Variants in P2RY12 observed in about 807,000 individuals in gnomAD.
The protein encoded by P2RY12 is purinergic receptor P2Y12.
P2RY12 carries 3 observed loss-of-function variants against 4.5 expected under a neutral mutation model. The ratio of observed to expected loss-of-function variants is 0.67; its 90% CI spans 0.31 to 1.74. P2RY12 has a LOEUF of 1.74. Among genes scored for constraint, P2RY12 ranks in the 40% most tolerant of loss-of-function variants. The probability of loss-of-function intolerance (pLI) is 0.09; values close to 1 mark genes in which losing one functional copy is unlikely to be tolerated. For missense variants in P2RY12, 356 were observed against 407.8 expected (o/e 0.87, Z 1.09); for synonymous variants, 148 against 154.1 (o/e 0.96, Z 0.29).
intron 1 of P2RY12, chr3:151,372,502 G>A: frequency 8.7e-7 from 1 of 1,155,404 alleles, no homozygotes; most frequent in South Asian, 1.2e-5. Flanking sequence ...ATCCTCATTT[G>A]CTCCTCAATT....
chr3:151,367,757 C>T lies in P2RY12; in HGVS notation c.-180+16935G>A, dbSNP rs373552481. ...GCAGCATGTCGCACTTCCCTCTCTT[C>T]TAGCAGCAGGTAAGGCAGCATCCAT... On this transcript the variant is annotated intron_variant, in intron 1 of 2. Coordinates refer to ENST00000302632, the MANE Select transcript of P2RY12 (RefSeq NM_022788.5). The T allele has an allele frequency of 1.9e-6, 3 of 1,607,492 alleles. No homozygotes were observed. In the African/African-American group the frequency reaches 4.0e-5, roughly 22 times the overall value.
chr3:151,353,720 T>G (rs1753534879), intron 1 of P2RY12, among the ~76,000 whole-genome samples: 1 of 152,260 alleles, frequency 6.6e-6, no homozygotes, highest in Non-Finnish European at 1.5e-5. Context: ...AGTGAAATCT[T>G]GTTCATTTCT....
At chr3:151,361,964 AGT>A (rs1754662731) in intron 1 of P2RY12, among the ~76,000 whole-genome samples, 1 of 152,094 alleles carries the variant, frequency 6.6e-6, no homozygotes, top group African/African-American at 2.4e-5. Context: ...GTAGGAGGAG[AGT>A]GGTAGAAGGT....
At chr3:151,356,744 T>TA (rs1357114105) in intron 1 of P2RY12, among the ~76,000 whole-genome samples, 1 of 152,194 alleles carries the variant, frequency 6.6e-6, no homozygotes, top group African/African-American at 2.4e-5. Flanking sequence ...GAACAAACCT[T>TA]ATGATTTGAT....
intron 1 of P2RY12, among the ~76,000 whole-genome samples, chr3:151,345,636 G>A (rs1307929932): frequency 1.3e-5 from 2 of 150,220 alleles, no homozygotes; most frequent in African/African-American, 4.9e-5. Context: ...TCCTGCCTCA[G>A]CCTCCCGAGT....
At chr3:151,358,041 T>C (rs1754139863) in intron 1 of P2RY12, among the ~76,000 whole-genome samples, 1 of 152,188 alleles carries the variant, frequency 6.6e-6, no homozygotes, top group Admixed American at 6.5e-5. Context: ...CAACCTGTTA[T>C]TTCTTTCTCT....
At chr3:151,383,886 C>A in intron 1 of P2RY12, 1 of 1,610,958 alleles carries the variant, frequency 6.2e-7, no homozygotes, top group Non-Finnish European at 8.5e-7. Context: ...TGCACACTAA[C>A]AAGTATGTTT....
intron 1 of P2RY12, among the ~76,000 whole-genome samples, chr3:151,345,463 T>C (rs942797660): frequency 6.6e-6 from 1 of 152,092 alleles, no homozygotes; most frequent in African/African-American, 2.4e-5. Flanking sequence ...TTTATTCTCA[T>C]TTGTTATGAA....
chr3:151,355,575 A>G (rs1753808581), intron 1 of P2RY12, among the ~76,000 whole-genome samples: 1 of 152,234 alleles, frequency 6.6e-6, no homozygotes, highest in Non-Finnish European at 1.5e-5. Context: ...GACATTGAGA[A>G]GAAAACACAT....
intron 1 of P2RY12, among the ~76,000 whole-genome samples, chr3:151,344,181 A>T (rs913934438): frequency 2.6e-5 from 4 of 152,076 alleles, no homozygotes; most frequent in African/African-American, 9.7e-5. Context: ...TAGATATATA[A>T]ATATCAGTCA....
In P2RY12 at chr3:151,365,199, G is replaced by A. The variant is rs756760999; in HGVS notation, c.-180+19493C>T. 40 of 1,613,238 alleles carry A rather than the reference G, an allele frequency of 2.5e-5. No individual in the cohort carries two copies. The East Asian group carries it at 8.7e-4, about 35-fold the overall frequency. ...GAATGTATGTATGGGCCATCAGGAT[G>A]CTGGCAGGTGAGATGGGTTACCCTG... On this transcript the variant is annotated intron_variant, in intron 1 of 2. Coordinates refer to ENST00000302632, the MANE Select transcript of P2RY12 (RefSeq NM_022788.5).
intron 1 of P2RY12, among the ~76,000 whole-genome samples, chr3:151,374,262 C>A (rs796751464): frequency 3.9e-5 from 6 of 152,260 alleles, no homozygotes; most frequent in African/African-American, 1.4e-4. Flanking sequence ...AAAATGTACA[C>A]TAGGCTAGGG....
At chr3:151,358,080 T>G (rs1462746701) in intron 1 of P2RY12, among the ~76,000 whole-genome samples, 2 of 152,176 alleles carry the variant, frequency 1.3e-5, no homozygotes. Flanking sequence ...CTCAAAAGAA[T>G]CATGGGGTTC....
At chr3:151,349,436 T>C (rs1577400101) in intron 1 of P2RY12, among the ~76,000 whole-genome samples, 1 of 152,258 alleles carries the variant, frequency 6.6e-6, no homozygotes, top group East Asian at 1.9e-4. Context: ...CACACAGTCA[T>C]GTTGGAAATA....
chr3:151,351,084 C>T (rs193159149), intron 1 of P2RY12, among the ~76,000 whole-genome samples: 1 of 152,284 alleles, frequency 6.6e-6, no homozygotes, highest in East Asian at 1.9e-4. Flanking sequence ...TAAACCACCT[C>T]TAGGAGCCCT....
chr3:151,357,265 G>A (rs769217021), intron 1 of P2RY12: 16 of 1,613,494 alleles, frequency 9.9e-6, no homozygotes, highest in Non-Finnish European at 9.3e-6. Context: ...AAATCCTCCA[G>A]CCTGGCAGGA....
intron 1 of P2RY12, chr3:151,355,033 A>G: frequency 1.1e-6 from 1 of 905,504 alleles, no homozygotes; most frequent in Non-Finnish European, 1.8e-6. Flanking sequence ...TTCTGTATGT[A>G]TGCTATACTT....
chr3:151,348,713 G>A (rs888574159), intron 1 of P2RY12, among the ~76,000 whole-genome samples: 1 of 152,162 alleles, frequency 6.6e-6, no homozygotes, highest in African/African-American at 2.4e-5. Context: ...GCAATGGGAA[G>A]CAGTGGCAAG....
intron 1 of P2RY12, chr3:151,360,744 G>T (rs930627226): frequency 2.7e-6 from 2 of 735,950 alleles, no homozygotes; most frequent in Non-Finnish European, 4.5e-6. Context: ...ATATACTCAT[G>T]ATTTGTTTAA....
Sources: allele counts gnomAD v4.1 joint callset (sites outside exome capture counted in the v4.1 genomes callset), GRCh38; gene constraint gnomAD v4.1.1; transcripts MANE v1.5; gene names NCBI Gene and HGNC (gene_info 2026-07-23, HGNC 2026-07-21).